The following OR4F16 variants were observed in gnomAD, a reference collection of about 807,000 sequenced individuals.
OR4F16 encodes olfactory receptor 4F3/4F16/4F29.
chr1:715,599 G>A, the OR4F16 span, among the ~76,000 whole-genome samples: 1 of 96,374 alleles, frequency 1.0e-5, no homozygotes, highest in African/African-American at 4.7e-5. Flanking sequence ...ATGTTGGGAG[G>A]CCAAGGCAGG....
chr1:687,549 G>C (rs1258656858), upstream of OR4F16, among the ~76,000 whole-genome samples: 54 of 118,938 alleles, frequency 4.5e-4, no homozygotes, highest in Non-Finnish European at 7.1e-4. Flanking sequence ...ACTTGGATTA[G>C]TTAAGATAAT....
At chr1:710,246 T>C in the OR4F16 span, among the ~76,000 whole-genome samples, 2 of 134,408 alleles carry the variant, frequency 1.5e-5, no homozygotes, top group African/African-American at 5.2e-5. Flanking sequence ...TTTAATATAT[T>C]TTTTGCATAA....
chr1:718,515 T>C, the OR4F16 span, among the ~76,000 whole-genome samples: 1 of 97,730 alleles, frequency 1.0e-5, no homozygotes, highest in Non-Finnish European at 1.8e-5. Context: ...GCTAATGTAC[T>C]ATCGCTGGGT....
At chr1:687,695 CT>C (rs948389830), upstream of OR4F16, among the ~76,000 whole-genome samples, 5 of 69,924 alleles carry the variant, frequency 7.2e-5, 1 homozygote, top group African/African-American at 2.6e-4. Flanking sequence ...CTTAATTTGA[CT>C]GAATCCATTC....
At chr1:680,049 G>A in the OR4F16 span, among the ~76,000 whole-genome samples, 1 of 131,884 alleles carries the variant, frequency 7.6e-6, no homozygotes, top group South Asian at 2.7e-4. Flanking sequence ...TGGGATACAA[G>A]GCTAGTTCAA....
the OR4F16 span, chr1:712,024 TTACA>T: frequency 9.3e-6 from 1 of 108,058 alleles, no homozygotes; most frequent in African/African-American, 4.3e-5. Flanking sequence ...TGTATATCTA[TTACA>T]TATATATTAT....
upstream of OR4F16, among the ~76,000 whole-genome samples, chr1:691,263 G>A (rs1570567870): frequency 6.6e-6 from 1 of 151,968 alleles, no homozygotes; most frequent in Admixed American, 6.6e-5. Flanking sequence ...CTACATAAGT[G>A]ACTTTCAAGT....
chr1:679,977 G>T, the OR4F16 span, among the ~76,000 whole-genome samples: 2 of 134,862 alleles, frequency 1.5e-5, no homozygotes, highest in South Asian at 5.0e-4. Flanking sequence ...ATAAAATACT[G>T]GCAAACCAAA....
chr1:690,477 A>G (rs1643044619), upstream of OR4F16, among the ~76,000 whole-genome samples: 1 of 138,128 alleles, frequency 7.2e-6, no homozygotes, highest in African/African-American at 2.9e-5. Context: ...TAAAACTATG[A>G]AAATTCACAA....
chr1:690,060 A>AG (rs1366757432), upstream of OR4F16, among the ~76,000 whole-genome samples: 1 of 121,890 alleles, frequency 8.2e-6, no homozygotes, highest in Non-Finnish European at 1.6e-5. Flanking sequence ...TTGCATTTAA[A>AG]GGGGGAGAGA....
the OR4F16 span, chr1:712,060 T>TTA: frequency 7.6e-4 from 1 of 1,322 alleles, no homozygotes; most frequent in Non-Finnish European, 7.0e-3. Flanking sequence ...ATATATTATA[T>TTA]ATCTATTATA....
At chr1:702,286 A>G in the OR4F16 span, 3 of 140,678 alleles carry the variant, frequency 2.1e-5, no homozygotes, top group African/African-American at 8.0e-5. Flanking sequence ...GGTGGAGTTT[A>G]CAGTGAGCCA....
chr1:690,063 G>A (rs535793412), upstream of OR4F16, among the ~76,000 whole-genome samples: 1,046 of 129,436 alleles, frequency 8.1e-3, 13 homozygotes, highest in African/African-American at 0.031. Context: ...CATTTAAAGG[G>A]GGAGAGAAAG....
the OR4F16 span, among the ~76,000 whole-genome samples, chr1:701,760 G>T: frequency 1.6e-4 from 24 of 150,406 alleles, no homozygotes; most frequent in Non-Finnish European, 2.9e-4. Flanking sequence ...CAGACACTGG[G>T]GTCTACTTGA....
the OR4F16 span, among the ~76,000 whole-genome samples, chr1:701,742 G>T: frequency 2.0e-5 from 3 of 149,876 alleles, no homozygotes; most frequent in East Asian, 6.1e-4. Context: ...TGAACACAAA[G>T]AATAAAACAG....
At chr1:682,438 C>CT (rs1642996506), downstream of OR4F16, among the ~76,000 whole-genome samples, 1 of 123,286 alleles carries the variant, frequency 8.1e-6, no homozygotes, top group Non-Finnish European at 1.7e-5. Flanking sequence ...TCTGAAGTCT[C>CT]TTTCCTGAGT....
At chr1:702,429 C>T in the OR4F16 span, 6 of 145,942 alleles carry the variant, frequency 4.1e-5, no homozygotes, top group African/African-American at 1.5e-4. Flanking sequence ...AGAAGTATTC[C>T]TAATTATGAT....
chr1:701,895 T>C, the OR4F16 span: 1 of 151,554 alleles, frequency 6.6e-6, no homozygotes, highest in African/African-American at 2.4e-5. Flanking sequence ...ATGTAACAAA[T>C]GCCCCTAAAC....
At chr1:715,963 T>C in the OR4F16 span, among the ~76,000 whole-genome samples, 1 of 139,714 alleles carries the variant, frequency 7.2e-6, no homozygotes, top group Non-Finnish European at 1.5e-5. Context: ...AAATTACCAC[T>C]TGATTTAGCA....
Sources: gnomAD v4.1 joint callset for allele counts (sites outside exome capture counted in the v4.1 genomes callset) on GRCh38, gnomAD v4.1.1 for gene constraint, MANE v1.5 for transcripts, NCBI Gene and HGNC (gene_info 2026-07-23, HGNC 2026-07-21) for gene names.